The following PRKCE variants were observed in gnomAD, a reference collection of about 807,000 sequenced individuals.
PRKCE encodes the protein protein kinase C epsilon type.
In PRKCE, 16 loss-of-function variants were observed where a neutral mutation model predicts 85.4. That is an observed-to-expected ratio of 0.19 (90% CI 0.13 to 0.28). The LOEUF is 0.28. Ranked by LOEUF, PRKCE falls within the 10% of genes least tolerant of loss-of-function variation. The pLI, the probability that PRKCE is intolerant of heterozygous loss-of-function variation, is 1.00. For synonymous variants in PRKCE, 388 were observed against 371.5 expected, an observed-to-expected ratio of 1.04 and a Z score of -0.51; for missense variants, 573 against 975.2, an observed-to-expected ratio of 0.59 and a Z score of 5.49.
intron 1 of PRKCE, among the ~76,000 whole-genome samples, chr2:45,783,173 C>T (rs1434955922): frequency 2.6e-5 from 4 of 152,168 alleles, no homozygotes; most frequent in African/African-American, 9.7e-5. Flanking sequence ...TCAATTGAAG[C>T]TCTAAATGCT....
At chr2:46,076,158 T>C (rs1668543202) in intron 10 of PRKCE, among the ~76,000 whole-genome samples, 1 of 152,206 alleles carries the variant, frequency 6.6e-6, no homozygotes, top group African/African-American at 2.4e-5. Context: ...GATTCTGTCA[T>C]TTTCAAAGAG....
chr2:45,819,168 T>G (rs1689322798), intron 1 of PRKCE, among the ~76,000 whole-genome samples: 1 of 152,140 alleles, frequency 6.6e-6, no homozygotes, highest in South Asian at 2.1e-4. Context: ...TTCTATGCAT[T>G]TTATATAAAT....
chr2:45,915,986 A>T (rs2103876449), intron 2 of PRKCE, among the ~76,000 whole-genome samples: 1 of 152,206 alleles, frequency 6.6e-6, no homozygotes, highest in African/African-American at 2.4e-5. Flanking sequence ...TCAGGGAGAA[A>T]AATTTGTCTG....
intron 10 of PRKCE, among the ~76,000 whole-genome samples, chr2:46,084,799 C>G (rs997288362): frequency 6.6e-6 from 1 of 151,380 alleles, no homozygotes; most frequent in East Asian, 1.9e-4. Context: ...TAACCTTCCT[C>G]TACAACTGAT....
At chr2:45,677,906 A>G in intron 1 of PRKCE, 2 of 985,338 alleles carry the variant, frequency 2.0e-6, no homozygotes, top group Non-Finnish European at 1.2e-6. Context: ...CTGAAGGGGT[A>G]GTGGGAACCG....
intron 1 of PRKCE, among the ~76,000 whole-genome samples, chr2:45,771,029 A>G (rs2104911923): frequency 6.6e-6 from 1 of 152,276 alleles, no homozygotes; most frequent in South Asian, 2.1e-4. Flanking sequence ...CTCCAAGCGT[A>G]CTTTCATTCC....
intron 1 of PRKCE, among the ~76,000 whole-genome samples, chr2:45,719,525 A>C (rs1233148692): frequency 6.6e-6 from 1 of 152,160 alleles, no homozygotes; most frequent in East Asian, 1.9e-4. Flanking sequence ...GGCAGTTGGC[A>C]CTTGGGAAAT....
intron 2 of PRKCE, among the ~76,000 whole-genome samples, chr2:45,953,291 G>A (rs568527327): frequency 1.3e-5 from 2 of 152,258 alleles, no homozygotes; most frequent in South Asian, 4.1e-4. Flanking sequence ...TGAGGCCAAG[G>A]CAAGAGAAAT....
At chr2:46,137,935 A>G (rs1469445817) in intron 11 of PRKCE, among the ~76,000 whole-genome samples, 1 of 152,082 alleles carries the variant, frequency 6.6e-6, no homozygotes, top group Non-Finnish European at 1.5e-5. Context: ...CACATTAGGG[A>G]TCTGTTTGTA....
Position 45,832,640 on chromosome 2 carries a change from A to G in PRKCE, c.349-10360A>G, listed in dbSNP as rs986885636. 8.5e-5 allele frequency among the ~76,000 whole-genome samples: 13 copies of G among 152,214 alleles called. No homozygotes were observed. In the South Asian group the frequency reaches 2.5e-3, roughly 29 times the overall value. The stretch of plus-strand genomic sequence containing the variant: ...AGCAACTTTTTATCATTCATGCAGT[A>G]TGGGCTCCATGACAGCTCACAACGT... On this transcript the variant is annotated intron_variant, in intron 1 of 14. Transcript: ENST00000306156.
chr2:46,045,810 C>T (rs1413927308), intron 10 of PRKCE, among the ~76,000 whole-genome samples: 1 of 151,742 alleles, frequency 6.6e-6, no homozygotes, highest in African/African-American at 2.4e-5. Flanking sequence ...GCCTGGGAGG[C>T]AGTTGTTGTT....
intron 1 of PRKCE, among the ~76,000 whole-genome samples, chr2:45,721,148 C>A (rs974345817): frequency 6.6e-6 from 1 of 151,966 alleles, no homozygotes; most frequent in Non-Finnish European, 1.5e-5. Flanking sequence ...TAGGTGCTGT[C>A]GGAAGAGCAG....
chr2:45,852,816 A>G (rs1253798301), intron 2 of PRKCE, among the ~76,000 whole-genome samples: 3 of 152,212 alleles, frequency 2.0e-5, no homozygotes, highest in African/African-American at 7.2e-5. Context: ...TCTTTTACAT[A>G]TTGGAAAAGT....
chr2:45,659,399 A>G (rs1675530216), intron 1 of PRKCE, among the ~76,000 whole-genome samples: 1 of 152,038 alleles, frequency 6.6e-6, no homozygotes, highest in African/African-American at 2.4e-5. Context: ...ACCTTTGCTG[A>G]CCTCACTTGG....
intron 2 of PRKCE, among the ~76,000 whole-genome samples, chr2:45,914,323 C>T (rs115601856): frequency 1.3e-3 from 203 of 152,312 alleles, no homozygotes; most frequent in African/African-American, 4.6e-3. Context: ...GAATATGGAA[C>T]ACCAGAGGCA....
chr2:46,136,192 T>G (rs1011783033), intron 11 of PRKCE, among the ~76,000 whole-genome samples: 3 of 152,150 alleles, frequency 2.0e-5, no homozygotes, highest in Non-Finnish European at 2.9e-5. Context: ...CTTTGTGGAA[T>G]TTGCATGCCA....
At chr2:45,968,379 G>A (rs1483366994) in intron 2 of PRKCE, among the ~76,000 whole-genome samples, 1 of 152,196 alleles carries the variant, frequency 6.6e-6, no homozygotes, top group Non-Finnish European at 1.5e-5. Flanking sequence ...CTCAGGAATT[G>A]AAAACCAAAG....
At chr2:46,129,938 G>T (rs1026081584) in intron 11 of PRKCE, among the ~76,000 whole-genome samples, 1 of 152,220 alleles carries the variant, frequency 6.6e-6, no homozygotes, top group African/African-American at 2.4e-5. Context: ...GGTTGTGGGT[G>T]TATATCTTAA....
At chr2:46,144,774 G>A (rs1180480118) in intron 11 of PRKCE, among the ~76,000 whole-genome samples, 2 of 152,134 alleles carry the variant, frequency 1.3e-5, no homozygotes, top group South Asian at 2.1e-4. Flanking sequence ...TTCATAGCAG[G>A]ATCTCATTAA....
Sources: allele counts gnomAD v4.1 joint callset (sites outside exome capture counted in the v4.1 genomes callset), GRCh38; gene constraint gnomAD v4.1.1; transcripts MANE v1.5; gene names NCBI Gene and HGNC (gene_info 2026-07-23, HGNC 2026-07-21).